The following ZNF578 variants were observed in gnomAD, a reference collection of about 807,000 sequenced individuals.
The protein encoded by ZNF578 is zinc finger protein 578, also known as Putative chemokine-related protein B42.
In ZNF578, 8 loss-of-function variants were observed where a neutral mutation model predicts 8.3. The ratio of observed to expected loss-of-function variants is 0.96; its 90% CI spans 0.56 to 1.74. ZNF578 has a LOEUF of 1.74. Ranked by LOEUF, ZNF578 falls within the 40% of genes most tolerant of loss-of-function variation. The probability of loss-of-function intolerance (pLI) is 0.00; values close to 1 mark genes in which losing one functional copy is unlikely to be tolerated. For missense variants in ZNF578, 726 were observed against 707.5 expected (o/e 1.03, Z -0.30); for synonymous variants, 206 against 232.2 (o/e 0.89, Z 1.03).
chr19:52,480,056 C>T, intron 2 of ZNF578, among the ~76,000 whole-genome samples: 1 of 152,148 alleles, frequency 6.6e-6, no homozygotes, highest in East Asian at 1.9e-4. Flanking sequence ...ACTACAGGTG[C>T]CTGCCACCAT....
At chr19:52,479,855 G>C (rs1228831965) in intron 2 of ZNF578, among the ~76,000 whole-genome samples, 2 of 152,108 alleles carry the variant, frequency 1.3e-5, no homozygotes, top group Non-Finnish European at 2.9e-5. Flanking sequence ...ACTTCCAATT[G>C]ACTAATGAAA....
chr19:52,468,805 T>C lies in ZNF578; in HGVS notation c.-122+11847T>C, dbSNP rs2059283164. ...TGAGTCTTCTGGTTCTCTTTCTTCT[T>C]CCCATGCTGGATGCTTGTTTATGCT... On this transcript the variant is annotated intron_variant, in intron 2 of 5. Transcript: ENST00000421239. 3.3e-5 allele frequency among the ~76,000 whole-genome samples: 5 copies of C among 152,276 alleles called. No homozygotes were observed. In the South Asian group the frequency reaches 1.0e-3, roughly 32 times the overall value.
chr19:52,490,994 C>T (rs2059363323), intron 2 of ZNF578, among the ~76,000 whole-genome samples: 1 of 152,080 alleles, frequency 6.6e-6, no homozygotes, highest in Non-Finnish European at 1.5e-5. Flanking sequence ...CTTTTCTTCT[C>T]ATTGATGTGA....
intron 2 of ZNF578, among the ~76,000 whole-genome samples, chr19:52,490,528 T>C (rs1451247562): frequency 6.6e-6 from 1 of 152,214 alleles, no homozygotes; most frequent in Admixed American, 6.5e-5. Flanking sequence ...GGCTTTTCAG[T>C]ATATGATATG....
chr19:52,510,458 G>T (rs1299341406), intron 5 of ZNF578, 114 bp from the exon 6 acceptor site: 12 of 1,338,652 alleles, frequency 9.0e-6, no homozygotes, highest in South Asian at 4.9e-5. Context: ...AAACTTTGAA[G>T]ATCATGTTTG....
At chr19:52,504,892 ATTGT>A (rs1555756528) in intron 5 of ZNF578, 111 bp downstream of exon 5, 2 of 1,553,912 alleles carry the variant, frequency 1.3e-6, no homozygotes, top group Non-Finnish European at 1.7e-6. Flanking sequence ...TTTTTGTTTG[ATTGT>A]TTGTTTGGTT....
Position 52,512,467 on chromosome 19 carries a change from T to C in ZNF578, c.*313T>C. Reference sequence around the variant, plus strand: ...TGGCAAATTTTTCAGACATCGTTCATACCTTGCAGTTCATCAGTGAACTCA... The same window carrying C: ...TGGCAAATTTTTCAGACATCGTTCACACCTTGCAGTTCATCAGTGAACTCA... On this transcript the variant is annotated 3_prime_UTR_variant, in exon 6 of 6. Coordinates refer to ENST00000421239, the MANE Select transcript of ZNF578 (RefSeq NM_001099694.2). 2 of 1,303,554 alleles carry C rather than the reference T, an allele frequency of 1.5e-6. No homozygotes were observed. The highest frequency in any genetic ancestry group is 1.8e-5 in the Admixed American group (1 of 56,732). 80.7% of individuals were successfully genotyped at this position (1,303,554 alleles called of 1,614,324 possible).
At chr19:52,473,102 T>C (rs1212107315) in intron 2 of ZNF578, among the ~76,000 whole-genome samples, 1 of 152,196 alleles carries the variant, frequency 6.6e-6, no homozygotes, top group Non-Finnish European at 1.5e-5. Flanking sequence ...ATATATCTTT[T>C]GATGTCTAGT....
At chr19:52,494,076 A>T (rs1333298866) in intron 3 of ZNF578, among the ~76,000 whole-genome samples, 1 of 151,964 alleles carries the variant, frequency 6.6e-6, no homozygotes, top group Non-Finnish European at 1.5e-5. Flanking sequence ...AATAAATAGC[A>T]GGAGAGGAGA....
intron 2 of ZNF578, among the ~76,000 whole-genome samples, chr19:52,459,523 T>C (rs2059249366): frequency 6.6e-6 from 1 of 151,394 alleles, no homozygotes; most frequent in Admixed American, 6.6e-5. Context: ...GGTTTTTCTG[T>C]CTTCTTGGCT....
intron 2 of ZNF578, among the ~76,000 whole-genome samples, chr19:52,466,697 C>T (rs1467065052): frequency 6.6e-6 from 1 of 152,062 alleles, no homozygotes; most frequent in Non-Finnish European, 1.5e-5. Flanking sequence ...TTAATTTAAT[C>T]GTGTGTATAT....
intron 3 of ZNF578, among the ~76,000 whole-genome samples, chr19:52,491,724 A>G (rs1285348202): frequency 6.6e-6 from 1 of 152,178 alleles, no homozygotes; most frequent in Admixed American, 6.5e-5. Flanking sequence ...AAAATAAAAT[A>G]AAAGAAAAAA....
In ZNF578 at chr19:52,516,724, G is replaced by A. The variant is rs2059478135; in HGVS notation, c.*4570G>A. 6.6e-6 allele frequency among the ~76,000 whole-genome samples: 1 copy of A among 152,096 alleles called. No individual in the cohort carries two copies. The highest frequency in any genetic ancestry group is 2.4e-5 in the African/African-American group (1 of 41,402). On this transcript the variant is annotated 3_prime_UTR_variant, in exon 6 of 6. Transcript: ENST00000421239. Reference sequence around the variant, plus strand: ...CCCCACCCTTGAGAATGGACTTGGTGAGATCCACCCCCTGCCTGCAAAGCA... The same window carrying A: ...CCCCACCCTTGAGAATGGACTTGGTAAGATCCACCCCCTGCCTGCAAAGCA...
At position 52,504,046 on chromosome 19, in the gene ZNF578, T is replaced by C. The variant is rs1309729426; in HGVS notation, c.64-609T>C. 3.3e-5 allele frequency among the ~76,000 whole-genome samples: 5 copies of C among 152,176 alleles called. No homozygotes were observed. The East Asian group carries it at 7.7e-4, about 24-fold the overall frequency. On this transcript the variant is annotated intron_variant, in intron 4 of 5. Transcript: ENST00000421239. ...TTCTTGACCACATTATCTGCCCACA[T>C]TGGTCTCCCAAAATGTTGGGATTAC... is the stretch of plus-strand genomic sequence containing the variant.
chr19:52,456,324 A>T (rs937835201), intron 1 of ZNF578: 2 of 152,252 alleles, frequency 1.3e-5, no homozygotes, highest in African/African-American at 4.8e-5. Flanking sequence ...AGTTTAGCTC[A>T]ACCCTGGATT....
chr19:52,471,375 C>A (rs561476873), intron 2 of ZNF578, among the ~76,000 whole-genome samples: 1 of 152,106 alleles, frequency 6.6e-6, no homozygotes, highest in African/African-American at 2.4e-5. Flanking sequence ...TTGTATGAGC[C>A]GGTTCTCCCT....
intron 5 of ZNF578, among the ~76,000 whole-genome samples, chr19:52,506,718 C>T (rs1252012370): frequency 2.0e-5 from 3 of 152,086 alleles, no homozygotes; most frequent in African/African-American, 7.2e-5. Context: ...GATCCACCTG[C>T]CCATTATGCC....
chr19:52,511,541 TA>T lies in ZNF578; in HGVS notation c.1162del (p.Ile388PhefsTer88), dbSNP rs2059446778. 6.2e-7 allele frequency: 1 copy of T among 1,613,508 alleles called. No individual in the cohort carries two copies. The highest frequency in any genetic ancestry group is 1.7e-5 in the Admixed American group (1 of 59,958). ...ATGTTTGGTCAAAATTCAACCCTTG[TA>T]ATTCATAAGGCAATTCATACTGGAG... ...GKMFGQNSTL[V>X]IHKAIHTGEK... is the part of the protein sequence containing the mutation. On this transcript the variant is annotated frameshift_variant, in exon 6 of 6. Coordinates refer to ENST00000421239, the MANE Select transcript of ZNF578 (RefSeq NM_001099694.2). LOFTEE classifies it low-confidence loss of function (END_TRUNC).
intron 1 of ZNF578, chr19:52,453,859 T>G (rs948527643): frequency 9.2e-5 from 14 of 152,330 alleles, no homozygotes; most frequent in African/African-American, 3.4e-4. Context: ...GACCACTCCT[T>G]CGGTCCCGCG....
Sources: gnomAD v4.1 joint callset for allele counts (sites outside exome capture counted in the v4.1 genomes callset) on GRCh38, gnomAD v4.1.1 for gene constraint, MANE v1.5 for transcripts, NCBI Gene and HGNC (gene_info 2026-07-23, HGNC 2026-07-21) for gene names.